Variants in NTRK2 observed in about 807,000 individuals in gnomAD.
The protein encoded by NTRK2 is neurotrophic receptor tyrosine kinase 2, also known as BDNF/NT-3 growth factors receptor.
In NTRK2, 13 loss-of-function variants were observed where a neutral mutation model predicts 94.5. The observed-to-expected ratio is 0.14, with a 90% CI of 0.09 to 0.22. The LOEUF is 0.22. Ranked by LOEUF, NTRK2 falls within the 10% of genes least tolerant of loss-of-function variation. The pLI is 1.00. For synonymous variants in NTRK2, 372 were observed against 407.4 expected (o/e 0.91, Z 1.05); for missense variants, 639 against 1,071.2 (o/e 0.60, Z 5.63).
rs920787507 is a variant in NTRK2, at chr9:84,781,231, A to C, written c.1396+29146A>C. On this transcript the variant is annotated intron_variant, in intron 12 of 18. Transcript: ENST00000277120. ...GGAGTTTTGAGAAACTGGCATTTTGAAAAAGGGCAATTCCTGCCTCTGTAG... is the reference window on the plus strand; with the variant it reads ...GGAGTTTTGAGAAACTGGCATTTTGCAAAAGGGCAATTCCTGCCTCTGTAG... Among the ~76,000 whole-genome samples, 4 of 152,156 alleles carry C rather than the reference A, an allele frequency of 2.6e-5. No homozygotes were observed. In the East Asian group the frequency reaches 7.7e-4, roughly 29 times the overall value.
chr9:84,910,993 G>A (rs2077220528), intron 14 of NTRK2, among the ~76,000 whole-genome samples: 2 of 152,238 alleles, frequency 1.3e-5, no homozygotes, highest in African/African-American at 4.8e-5. Context: ...GAGGAGAATT[G>A]ACATCATTAC....
intron 9 of NTRK2, among the ~76,000 whole-genome samples, chr9:84,730,979 T>TC (rs1189568297): frequency 1.3e-5 from 2 of 151,710 alleles, no homozygotes; most frequent in African/African-American, 2.4e-5. Context: ...TTTGGTAAGA[T>TC]CCCCCCCTTC....
At chr9:84,671,060 G>C (rs1404107273) in intron 2 of NTRK2, 100 bp downstream of exon 2, 4 of 1,160,056 alleles carry the variant, frequency 3.4e-6, no homozygotes, top group African/African-American at 3.0e-5. Flanking sequence ...CAAGAGTGGG[G>C]AGAAGTCAAA....
At chr9:84,850,103 G>A (rs2074683475) in intron 12 of NTRK2, among the ~76,000 whole-genome samples, 1 of 152,024 alleles carries the variant, frequency 6.6e-6, no homozygotes, top group South Asian at 2.1e-4. Context: ...TCTGATTTGG[G>A]GAATAAATAA....
intron 12 of NTRK2, among the ~76,000 whole-genome samples, chr9:84,793,416 G>A (rs2068938013): frequency 1.3e-5 from 2 of 152,098 alleles, no homozygotes; most frequent in South Asian, 4.1e-4. Flanking sequence ...GAGTCATCAT[G>A]AAAGCACTAC....
chr9:84,672,645 G>T (rs2058771563), intron 2 of NTRK2, among the ~76,000 whole-genome samples: 2 of 152,142 alleles, frequency 1.3e-5, no homozygotes, highest in African/African-American at 2.4e-5. Flanking sequence ...TGCATATAAT[G>T]AAGAAAGAAA....
intron 14 of NTRK2, among the ~76,000 whole-genome samples, chr9:84,924,654 A>G (rs1436988226): frequency 6.6e-6 from 1 of 152,212 alleles, no homozygotes; most frequent in African/African-American, 2.4e-5. Context: ...TTTTTAGTCT[A>G]ACAGCTTGAA....
At chr9:84,873,121 G>T in intron 14 of NTRK2, 1 of 1,064,458 alleles carries the variant, frequency 9.4e-7, no homozygotes, top group African/African-American at 1.6e-5. Context: ...GCAATCGAAT[G>T]ACCATGGTCC....
At chr9:84,748,842 C>A (rs1396863845) in intron 11 of NTRK2, among the ~76,000 whole-genome samples, 2 of 152,204 alleles carry the variant, frequency 1.3e-5, no homozygotes, top group Non-Finnish European at 2.9e-5. Context: ...CACCCAAAGT[C>A]ATGAGGTCAG....
At chr9:84,891,248 A>G (rs1291901676) in intron 14 of NTRK2, among the ~76,000 whole-genome samples, 1 of 144,904 alleles carries the variant, frequency 6.9e-6, no homozygotes, top group Non-Finnish European at 1.5e-5. Context: ...TTTTAAAAAA[A>G]GTGCCAGGCC....
At chr9:84,686,288 G>A (rs1230468030) in intron 2 of NTRK2, among the ~76,000 whole-genome samples, 1 of 152,192 alleles carries the variant, frequency 6.6e-6, no homozygotes, top group African/African-American at 2.4e-5. Context: ...ACAGGAAGGA[G>A]GGACAGCAAA....
chr9:84,944,215 T>TCTCTCACACACACACA (rs1440338055), intron 15 of NTRK2, among the ~76,000 whole-genome samples: 274 of 120,320 alleles, frequency 2.3e-3, no homozygotes, highest in Non-Finnish European at 3.1e-3. Context: ...TCTCTCTCTC[T>TCTCTCACACACACACA]CACACACACA....
intron 9 of NTRK2, among the ~76,000 whole-genome samples, chr9:84,736,311 G>T (rs74929045): frequency 1.3e-5 from 2 of 152,158 alleles, no homozygotes; most frequent in African/African-American, 4.8e-5. Flanking sequence ...CGAAATGCGC[G>T]TCAGGAACAA....
At chr9:84,817,984 T>A (rs2072533164) in intron 12 of NTRK2, among the ~76,000 whole-genome samples, 1 of 152,200 alleles carries the variant, frequency 6.6e-6, no homozygotes, top group Non-Finnish European at 1.5e-5. Context: ...TTTAGGACAA[T>A]TTTACTATTG....
At chr9:84,806,568 C>T (rs1205597766) in intron 12 of NTRK2, among the ~76,000 whole-genome samples, 4 of 152,128 alleles carry the variant, frequency 2.6e-5, no homozygotes, top group Non-Finnish European at 4.4e-5. Flanking sequence ...CTGACAATTC[C>T]GAGGCTCTGA....
intron 9 of NTRK2, among the ~76,000 whole-genome samples, chr9:84,728,800 C>T (rs1272101776): frequency 1.3e-5 from 2 of 152,178 alleles, no homozygotes; most frequent in Non-Finnish European, 1.5e-5. Flanking sequence ...ACAGCAGGAG[C>T]GTGTCAGTGT....
intron 12 of NTRK2, among the ~76,000 whole-genome samples, chr9:84,760,532 A>G (rs190683514): frequency 2.2e-4 from 34 of 152,342 alleles, no homozygotes; most frequent in Middle Eastern, 3.4e-3. Flanking sequence ...TGTATCATGA[A>G]TACAAATGTG....
intron 2 of NTRK2, among the ~76,000 whole-genome samples, chr9:84,687,631 G>C (rs1175359160): frequency 1.3e-5 from 2 of 152,102 alleles, no homozygotes; most frequent in Admixed American, 6.6e-5. Context: ...TACTCTGTTG[G>C]CAAAGTCATC....
rs1028363719 is a variant in NTRK2 at position 85,025,679 on chromosome 9, C to G, written c.*4242C>G. 3 of 233,030 alleles carry G rather than the reference C, an allele frequency of 1.3e-5. No individual in the cohort carries two copies. Among genetic ancestry groups the G allele is most frequent in the Non-Finnish European group, 2.5e-5 (3 of 117,996 alleles). 14.4% of individuals were successfully genotyped at this position (233,030 alleles called of 1,614,324 possible). On this transcript the variant is annotated 3_prime_UTR_variant, in exon 19 of 19. Transcript: ENST00000277120. ...ACATACCCTCAATTCTCTTGCTTCC[C>G]CATTTTCTTTTTCATCCCCTGTCTC...
Sources: allele counts gnomAD v4.1 joint callset (sites outside exome capture counted in the v4.1 genomes callset), GRCh38; gene constraint gnomAD v4.1.1; transcripts MANE v1.5; gene names NCBI Gene and HGNC (gene_info 2026-07-23, HGNC 2026-07-21).